NECTIN1: variants seen among roughly 807,000 people sequenced by gnomAD.
NECTIN1 encodes nectin cell adhesion molecule 1, also known as nectin-1.
NECTIN1 carries 23 observed loss-of-function variants against 48.0 expected under a neutral mutation model. That is an observed-to-expected ratio of 0.48 (90% CI 0.34 to 0.68). NECTIN1 has a LOEUF of 0.68. Ranked by LOEUF, NECTIN1 falls within the 30% of genes least tolerant of loss-of-function variation. NECTIN1 has a pLI of 0.01. For synonymous variants in NECTIN1, 270 were observed against 288.9 expected (o/e 0.93, Z 0.66); for missense variants, 591 against 709.9 (o/e 0.83, Z 1.90).
intron 1 of NECTIN1, among the ~76,000 whole-genome samples, chr11:119,718,848 C>G (rs888568055): frequency 1.3e-5 from 2 of 152,194 alleles, no homozygotes; most frequent in African/African-American, 2.4e-5. Context: ...TCCCTTATCC[C>G]TAATGCTTGA....
intron 1 of NECTIN1, among the ~76,000 whole-genome samples, chr11:119,698,330 C>T (rs1454145870): frequency 6.6e-6 from 1 of 152,252 alleles, no homozygotes; most frequent in Non-Finnish European, 1.5e-5. Context: ...CAAAACCCCA[C>T]CCAGGTGATT....
At chr11:119,674,521 G>A in intron 5 of NECTIN1, 7 of 1,613,840 alleles carry the variant, frequency 4.3e-6, no homozygotes, top group Middle Eastern at 1.7e-4. Flanking sequence ...TGGTGGGGGG[G>A]GCCCTGTCCA....
chr11:119,701,040 A>G (rs1865442465), intron 1 of NECTIN1, among the ~76,000 whole-genome samples: 1 of 152,090 alleles, frequency 6.6e-6, no homozygotes, highest in Non-Finnish European at 1.5e-5. Flanking sequence ...ATGTGGGGGT[A>G]CGGGTGTGTG....
At chr11:119,644,406 CCT>C (rs1356265292) in intron 5 of NECTIN1, among the ~76,000 whole-genome samples, 2 of 152,314 alleles carry the variant, frequency 1.3e-5, no homozygotes, top group East Asian at 3.9e-4. Flanking sequence ...CGACCACCCC[CCT>C]CTCAGCCAGA....
chr11:119,692,106 A>G (rs374676991), intron 1 of NECTIN1, among the ~76,000 whole-genome samples: 231 of 1,948 alleles, frequency 0.12, no homozygotes, highest in African/African-American at 0.27. Flanking sequence ...GGTCTTTCCC[A>G]TGCTTCCCCG....
At chr11:119,649,271 C>A (rs1232602781) in intron 5 of NECTIN1, among the ~76,000 whole-genome samples, 1 of 151,928 alleles carries the variant, frequency 6.6e-6, no homozygotes, top group Admixed American at 6.6e-5. Context: ...GTCCCAGCTA[C>A]TTGGGATGCT....
chr11:119,661,888 T>A lies in NECTIN1; in HGVS notation c.*2859A>T. On this transcript the variant is annotated 3_prime_UTR_variant, in exon 6 of 6. Coordinates refer to ENST00000264025, the MANE Select transcript of NECTIN1 (RefSeq NM_002855.5). ...CGCGTGGGTGTGTTGGAGGTGTGAG[T>A]GTGTCCACTGTGGGCACACGTACTG... The A allele has an allele frequency of 2.0e-6, 2 of 985,306 alleles. No individual in the cohort carries two copies. Among genetic ancestry groups the A allele is most frequent in the Non-Finnish European group, 2.4e-6 (2 of 829,962 alleles). The allele number at this position is 985,306 out of a possible 1,614,324, so 61.0% of individuals were successfully genotyped here.
intron 6 of NECTIN1, among the ~76,000 whole-genome samples, chr11:119,639,196 A>G (rs1864284847): frequency 6.6e-6 from 1 of 152,156 alleles, no homozygotes; most frequent in Non-Finnish European, 1.5e-5. Context: ...CACGGGAAAT[A>G]ACACATGATG....
intron 5 of NECTIN1, among the ~76,000 whole-genome samples, chr11:119,644,531 C>T (rs1293135508): frequency 2.0e-5 from 3 of 152,216 alleles, no homozygotes; most frequent in East Asian, 1.9e-4. Context: ...GTTAGACAAA[C>T]GTGTGCCTCA....
Position 119,728,723 on chromosome 11 carries a change from C to A in NECTIN1, c.-170G>T. ...GTGGGCTGGGTGGGATCCGCGCGGC[C>A]GCAGTCCGGGCCCCGGGCCGCCGCC... On this transcript the variant is annotated 5_prime_UTR_variant, in exon 1 of 6. Transcript: ENST00000264025. The A allele has an allele frequency of 2.2e-6, 1 of 459,466 alleles. No individual in the cohort carries two copies. Among genetic ancestry groups the A allele is most frequent in the South Asian group, 3.9e-5 (1 of 25,458 alleles). 28.5% of individuals were successfully genotyped at this position (459,466 alleles called of 1,614,324 possible).
At chr11:119,698,913 G>A (rs1865388178) in intron 1 of NECTIN1, among the ~76,000 whole-genome samples, 1 of 152,150 alleles carries the variant, frequency 6.6e-6, no homozygotes, top group African/African-American at 2.4e-5. Flanking sequence ...CCTCCCCAAA[G>A]GCCACAGCTG....
intron 5 of NECTIN1, among the ~76,000 whole-genome samples, chr11:119,648,606 G>C (rs1471899966): frequency 1.3e-5 from 2 of 151,626 alleles, no homozygotes; most frequent in Non-Finnish European, 2.9e-5. Flanking sequence ...AAACATCACT[G>C]GTTTGGGGTT....
chr11:119,639,689 A>C, intron 6 of NECTIN1: 1 of 760,734 alleles, frequency 1.3e-6, no homozygotes, highest in South Asian at 1.7e-5. Flanking sequence ...CGTAGCAATC[A>C]CCACTCAGGA....
chr11:119,686,661 G>A (rs186742915), intron 1 of NECTIN1, among the ~76,000 whole-genome samples: 5 of 152,190 alleles, frequency 3.3e-5, no homozygotes, highest in East Asian at 3.9e-4. Flanking sequence ...CAATCCGGTC[G>A]GTTGAGGTTG....
chr11:119,677,077 G>T lies in NECTIN1; in HGVS notation c.851+25C>A. ...GGTCCAGTCAGCTGTCTTCCAAGGT[G>T]ACTGGTCAGCCCTGCAGCACTTACG... On this transcript the variant is annotated intron_variant, in intron 4 of 5. Coordinates refer to ENST00000264025, the MANE Select transcript of NECTIN1 (RefSeq NM_002855.5). This position sits in a 1 kb window ranked among gnomAD's most constrained non-coding sequence, Gnocchi z 5.4. 2 of 1,595,684 alleles carry T rather than the reference G, an allele frequency of 1.3e-6. No individual in the cohort carries two copies. Among genetic ancestry groups the T allele is most frequent in the African/African-American group, 1.3e-5 (1 of 74,656 alleles).
chr11:119,706,673 G>T (rs1336070371), intron 1 of NECTIN1, among the ~76,000 whole-genome samples: 1 of 152,224 alleles, frequency 6.6e-6, no homozygotes, highest in Non-Finnish European at 1.5e-5. Context: ...AAAGACAACA[G>T]CACAAAAGAG....
chr11:119,693,134 C>G (rs1343958104), intron 1 of NECTIN1, among the ~76,000 whole-genome samples: 1 of 152,196 alleles, frequency 6.6e-6, no homozygotes, highest in Non-Finnish European at 1.5e-5. Context: ...TGAAAAGCCC[C>G]CATTCTTCCC....
chr11:119,679,873 G>T (rs562550318), intron 1 of NECTIN1, among the ~76,000 whole-genome samples: 1 of 152,220 alleles, frequency 6.6e-6, no homozygotes, highest in East Asian at 1.9e-4. Flanking sequence ...CCTCCTGGGA[G>T]CTTCCCTGAT....
At chr11:119,713,999 C>CG (rs899910696) in intron 1 of NECTIN1, 15 of 385,396 alleles carry the variant, frequency 3.9e-5, no homozygotes, top group Middle Eastern at 3.7e-4. Flanking sequence ...GAGTGGCCCC[C>CG]CCCTTGGTAT....
Sources: allele counts gnomAD v4.1 joint callset (sites outside exome capture counted in the v4.1 genomes callset), GRCh38; gene constraint gnomAD v4.1.1; non-coding constraint Gnocchi (gnomAD v3.1); transcripts MANE v1.5; gene names NCBI Gene and HGNC (gene_info 2026-07-23, HGNC 2026-07-21).